SGCZ: variants seen among roughly 807,000 people sequenced by gnomAD.
The protein encoded by SGCZ is zeta-sarcoglycan.
Under a neutral mutation model 41.3 loss-of-function variants are expected in SGCZ, and 40 were observed. That is an observed-to-expected ratio of 0.97 (90% CI 0.75 to 1.26). The LOEUF is 1.26. Ranked by LOEUF, SGCZ falls within the 50% of genes most tolerant of loss-of-function variation. The pLI is 0.00. For synonymous variants in SGCZ, 206 were observed against 137.5 expected (o/e 1.50, Z -3.49); for missense variants, 552 against 369.8 (o/e 1.49, Z -4.04).
intron 1 of SGCZ, among the ~76,000 whole-genome samples, chr8:14,674,928 G>GCTTTTTTTTTTTT (rs1554478141): frequency 0.026 from 1,868 of 71,036 alleles, 433 homozygotes; most frequent in African/African-American, 0.068. Context: ...TTTCTTTTCT[G>GCTTTTTTTTTTTT]TTTTTTTTTT....
intron 3 of SGCZ, among the ~76,000 whole-genome samples, chr8:14,295,966 A>G (rs73529489): frequency 0.049 from 7,388 of 152,172 alleles, 522 homozygotes; most frequent in African/African-American, 0.16. Flanking sequence ...GCTGTCAGAG[A>G]ACAGCTACTG....
chr8:14,194,022 T>C (rs1805188977), intron 4 of SGCZ, among the ~76,000 whole-genome samples: 1 of 151,786 alleles, frequency 6.6e-6, no homozygotes, highest in African/African-American at 2.4e-5. Flanking sequence ...GATGGGACAA[T>C]AGTTTTTTTT....
intron 1 of SGCZ, among the ~76,000 whole-genome samples, chr8:15,173,233 C>G (rs899603774): frequency 6.6e-6 from 1 of 152,154 alleles, no homozygotes; most frequent in East Asian, 1.9e-4. Flanking sequence ...ACCATCTTAG[C>G]CATTTTAAAG....
intron 1 of SGCZ, among the ~76,000 whole-genome samples, chr8:14,827,879 G>A (rs532670010): frequency 2.2e-4 from 33 of 151,856 alleles, no homozygotes; most frequent in African/African-American, 6.8e-4. Flanking sequence ...CATATCACCC[G>A]GTGTATTTTT....
intron 2 of SGCZ, among the ~76,000 whole-genome samples, chr8:14,340,880 C>T (rs1215602408): frequency 6.6e-6 from 1 of 152,034 alleles, no homozygotes; most frequent in Non-Finnish European, 1.5e-5. Flanking sequence ...CATCACTCTC[C>T]ATCTTAAGAA....
At chr8:14,624,555 ATTTTTTTTT>A (rs750064815) in intron 1 of SGCZ, among the ~76,000 whole-genome samples, 4 of 96,240 alleles carry the variant, frequency 4.2e-5, no homozygotes, top group African/African-American at 1.6e-4. Flanking sequence ...TATTATTATT[ATTTTTTTTT>A]TTTTTTTTTT....
intron 2 of SGCZ, among the ~76,000 whole-genome samples, chr8:14,364,611 G>T (rs921804280): frequency 6.6e-6 from 1 of 151,982 alleles, no homozygotes; most frequent in Non-Finnish European, 1.5e-5. Flanking sequence ...GACCACTTGA[G>T]AGATGCTATG....
Position 15,048,218 on chromosome 8 carries a change from A to C in SGCZ, c.39+189367T>G, listed in dbSNP as rs189173613. ...TGTAAGTCATTATGTTAAGTGAAAC[A>C]AGCCAGGCACAGAAAGAAAAATATC... On this transcript the variant is annotated intron_variant, in intron 1 of 7. Transcript: ENST00000382080. 2.8e-3 allele frequency among the ~76,000 whole-genome samples: 433 copies of C among 152,226 alleles called. 2 individuals carry two copies. Among genetic ancestry groups the C allele is most frequent in the Non-Finnish European group, 4.1e-3 (279 of 67,974 alleles).
chr8:14,504,211 G>A (rs1371650531), intron 2 of SGCZ, among the ~76,000 whole-genome samples: 2 of 152,148 alleles, frequency 1.3e-5, no homozygotes, highest in South Asian at 2.1e-4. Context: ...GCCTTTAAAT[G>A]TCATCTTCAG....
At chr8:14,444,199 T>G (rs1224849968) in intron 2 of SGCZ, among the ~76,000 whole-genome samples, 1 of 152,068 alleles carries the variant, frequency 6.6e-6, no homozygotes, top group African/African-American at 2.4e-5. Context: ...TAGGAACACT[T>G]TTACACTGTT....
chr8:14,671,721 A>G (rs902391135), intron 1 of SGCZ, among the ~76,000 whole-genome samples: 6 of 152,136 alleles, frequency 3.9e-5, no homozygotes, highest in African/African-American at 1.4e-4. Flanking sequence ...TATAATAAAT[A>G]TTTGGATATA....
At chr8:14,252,201 T>C (rs1236860802) in intron 3 of SGCZ, among the ~76,000 whole-genome samples, 1 of 152,164 alleles carries the variant, frequency 6.6e-6, no homozygotes, top group Non-Finnish European at 1.5e-5. Flanking sequence ...CTGTGATACA[T>C]GCTGGCTTAT....
At chr8:15,145,134 G>C (rs1048350814) in intron 1 of SGCZ, among the ~76,000 whole-genome samples, 1 of 152,086 alleles carries the variant, frequency 6.6e-6, no homozygotes. Context: ...CTGCCGTATC[G>C]CCTCAGTCCT....
At chr8:14,570,853 A>C (rs917467365) in intron 1 of SGCZ, among the ~76,000 whole-genome samples, 8 of 152,204 alleles carry the variant, frequency 5.3e-5, no homozygotes, top group African/African-American at 1.7e-4. Flanking sequence ...ATTGAAAACA[A>C]CTTTCAATCA....
At chr8:14,550,541 C>G (rs1390948116) in intron 2 of SGCZ, among the ~76,000 whole-genome samples, 1 of 151,864 alleles carries the variant, frequency 6.6e-6, no homozygotes, top group East Asian at 1.9e-4. Flanking sequence ...GCTGGCTGTA[C>G]TACTGCTATG....
chr8:14,329,191 G>C (rs909716581), intron 2 of SGCZ, among the ~76,000 whole-genome samples: 2 of 152,124 alleles, frequency 1.3e-5, no homozygotes, highest in African/African-American at 2.4e-5. Context: ...TATGAAATCA[G>C]ACATTTAGGG....
intron 2 of SGCZ, among the ~76,000 whole-genome samples, chr8:14,419,195 G>C (rs1213315271): frequency 6.6e-6 from 1 of 151,804 alleles, no homozygotes; most frequent in East Asian, 1.9e-4. Context: ...ACTCAATTCA[G>C]AAGCTAAAAG....
rs919613416 is a variant in SGCZ at position 14,778,617 on chromosome 8, C to T, written c.40-223691G>A. Among the ~76,000 whole-genome samples, 15 of 151,954 alleles carry T rather than the reference C, an allele frequency of 9.9e-5. No homozygotes were observed. In the East Asian group the frequency reaches 2.1e-3, roughly 22 times the overall value. ...CTATGTTACGGATATATAAAACACA[C>T]GTGTAAATCAATAAGGAAATGACAA... On this transcript the variant is annotated intron_variant, in intron 1 of 7. Coordinates refer to ENST00000382080, the MANE Select transcript of SGCZ (RefSeq NM_139167.4).
intron 2 of SGCZ, among the ~76,000 whole-genome samples, chr8:14,553,777 A>C (rs1310087689): frequency 2.0e-5 from 3 of 151,392 alleles, no homozygotes; most frequent in Non-Finnish European, 4.4e-5. Context: ...GGTTTAAAAA[A>C]CAAACAAACA....
Sources: gnomAD v4.1 joint callset for allele counts (sites outside exome capture counted in the v4.1 genomes callset) on GRCh38, gnomAD v4.1.1 for gene constraint, MANE v1.5 for transcripts, NCBI Gene and HGNC (gene_info 2026-07-23, HGNC 2026-07-21) for gene names.